Variants in SIPA1L1 observed in about 807,000 individuals in gnomAD.
The protein encoded by SIPA1L1 is signal induced proliferation associated 1 like 1.
In SIPA1L1, 26 loss-of-function variants were observed where a neutral mutation model predicts 162.7. The ratio of observed to expected loss-of-function variants is 0.16; its 90% CI spans 0.12 to 0.22. The LOEUF is 0.22. Among genes scored for constraint, SIPA1L1 ranks in the 10% least tolerant of loss-of-function variants. The pLI, the probability that SIPA1L1 is intolerant of heterozygous loss-of-function variation, is 1.00. For synonymous variants in SIPA1L1, 829 were observed against 837.4 expected (o/e 0.99, Z 0.17); for missense variants, 1,874 against 2,241.0 (o/e 0.84, Z 3.31).
At chr14:71,462,532 T>C (rs1343702827) in intron 2 of SIPA1L1, among the ~76,000 whole-genome samples, 1 of 152,212 alleles carries the variant, frequency 6.6e-6, no homozygotes, top group Non-Finnish European at 1.5e-5. Context: ...TGTGCCTCTT[T>C]CTTGGTTGTA....
intron 3 of SIPA1L1, among the ~76,000 whole-genome samples, chr14:71,525,555 A>C (rs761871525): frequency 1.4e-4 from 21 of 152,198 alleles, no homozygotes; most frequent in Non-Finnish European, 2.5e-4. Flanking sequence ...CTAATGACAT[A>C]AGCCCATACA....
chr14:71,584,847 A>G (rs1362003024), intron 4 of SIPA1L1, among the ~76,000 whole-genome samples: 1 of 152,118 alleles, frequency 6.6e-6, no homozygotes, highest in African/African-American at 2.4e-5. Context: ...GTGAATTCGT[A>G]TTGCTCTTCT....
chr14:71,464,539 G>C (rs1269050018), intron 2 of SIPA1L1, among the ~76,000 whole-genome samples: 1 of 152,048 alleles, frequency 6.6e-6, no homozygotes, highest in Non-Finnish European at 1.5e-5. Flanking sequence ...TACTTAGGAG[G>C]CTAAGGCAGG....
intron 5 of SIPA1L1, among the ~76,000 whole-genome samples, chr14:71,603,661 G>A (rs981396072): frequency 6.6e-6 from 1 of 151,878 alleles, no homozygotes; most frequent in South Asian, 2.1e-4. Context: ...AGTGGCCCAC[G>A]CCTGTAATCC....
intron 2 of SIPA1L1, among the ~76,000 whole-genome samples, chr14:71,486,803 A>G (rs2048796463): frequency 1.3e-5 from 2 of 152,214 alleles, no homozygotes; most frequent in Admixed American, 1.3e-4. Context: ...CCAATAAGTA[A>G]TCTTTTAAAT....
chr14:71,548,932 A>T (rs2055517643), intron 4 of SIPA1L1, among the ~76,000 whole-genome samples: 1 of 151,308 alleles, frequency 6.6e-6, no homozygotes, highest in Non-Finnish European at 1.5e-5. Context: ...ATGCTTATAT[A>T]GTGAGATATA....
chr14:71,614,364 A>G (rs1318427787), intron 5 of SIPA1L1, among the ~76,000 whole-genome samples: 1 of 152,166 alleles, frequency 6.6e-6, no homozygotes, highest in Non-Finnish European at 1.5e-5. Context: ...AGTTTTTTCT[A>G]TACTTCTGTA....
chr14:71,649,559 T>G (rs1339221862), intron 7 of SIPA1L1, among the ~76,000 whole-genome samples: 1 of 152,228 alleles, frequency 6.6e-6, no homozygotes, highest in African/African-American at 2.4e-5. Flanking sequence ...TAAAATTTCT[T>G]TGCAAAATGA....
At chr14:71,439,050 T>G (rs2044631104) in intron 2 of SIPA1L1, among the ~76,000 whole-genome samples, 1 of 152,162 alleles carries the variant, frequency 6.6e-6, no homozygotes, top group African/African-American at 2.4e-5. Context: ...AGAGAGCCTT[T>G]CCAAGAGCTC....
At chr14:71,383,005 T>G (rs2040030444) in intron 2 of SIPA1L1, among the ~76,000 whole-genome samples, 1 of 152,168 alleles carries the variant, frequency 6.6e-6, no homozygotes, top group Admixed American at 6.5e-5. Context: ...AGGTAGTATT[T>G]AAGCAGTGTC....
At chr14:71,613,038 T>A (rs1261259274) in intron 5 of SIPA1L1, among the ~76,000 whole-genome samples, 2 of 152,156 alleles carry the variant, frequency 1.3e-5, no homozygotes, top group Non-Finnish European at 2.9e-5. Context: ...GTCAACCGTA[T>A]ATGGATATAA....
chr14:71,603,207 C>T (rs1172865420), intron 5 of SIPA1L1, among the ~76,000 whole-genome samples: 3 of 151,794 alleles, frequency 2.0e-5, no homozygotes, highest in Non-Finnish European at 4.4e-5. Context: ...CTTTTTTATC[C>T]TATTACTGTA....
chr14:71,372,999 A>G (rs116960931), intron 2 of SIPA1L1, among the ~76,000 whole-genome samples: 211 of 152,264 alleles, frequency 1.4e-3, no homozygotes, highest in Non-Finnish European at 2.5e-3. Context: ...ACAAACATCT[A>G]AAGGAATGGG....
Position 71,658,216 on chromosome 14 carries a change from A to G in SIPA1L1, c.1994-117A>G, listed in dbSNP as rs528170177. 3.6e-5 allele frequency: 23 copies of G among 637,800 alleles called. 1 individual carries two copies. The South Asian group carries it at 4.7e-4, about 13-fold the overall frequency. 39.5% of individuals were successfully genotyped at this position (637,800 alleles called of 1,614,324 possible). ...AAGGAAGAACACCTGTCTTGTCTAG[A>G]ATCTTTTCATCCTAAATCATTTTCT... On this transcript the variant is annotated intron_variant, in intron 8 of 23. Coordinates refer to ENST00000381232, the MANE Select transcript of SIPA1L1 (RefSeq NM_001386936.1).
chr14:71,649,975 A>AG (rs1307804587), intron 7 of SIPA1L1, among the ~76,000 whole-genome samples: 1 of 152,198 alleles, frequency 6.6e-6, no homozygotes, highest in African/African-American at 2.4e-5. Context: ...CCCTTTTAAA[A>AG]GGGGGGACAC....
chr14:71,408,617 C>G (rs544212375), intron 2 of SIPA1L1, among the ~76,000 whole-genome samples: 2 of 152,290 alleles, frequency 1.3e-5, no homozygotes, highest in South Asian at 4.1e-4. Context: ...TGTGCCTCCA[C>G]CCCCTTTCCC....
At chr14:71,414,703 A>G (rs536462212) in intron 2 of SIPA1L1, among the ~76,000 whole-genome samples, 13 of 152,318 alleles carry the variant, frequency 8.5e-5, no homozygotes, top group Admixed American at 2.0e-4. Flanking sequence ...ACTTCAACCC[A>G]TGTTCTAAGA....
chr14:71,713,862 T>C (rs1447326315), intron 17 of SIPA1L1, among the ~76,000 whole-genome samples: 1 of 152,184 alleles, frequency 6.6e-6, no homozygotes, highest in African/African-American at 2.4e-5. Context: ...CTTCTCTAAA[T>C]CTTTTCTGCC....
intron 2 of SIPA1L1, among the ~76,000 whole-genome samples, chr14:71,493,037 GA>G (rs2049417187): frequency 6.6e-6 from 1 of 151,950 alleles, no homozygotes; most frequent in Admixed American, 6.6e-5. Context: ...AATTTATATC[GA>G]AAGAATATAT....
Sources: gnomAD v4.1 joint callset for allele counts (sites outside exome capture counted in the v4.1 genomes callset) on GRCh38, gnomAD v4.1.1 for gene constraint, MANE v1.5 for transcripts, NCBI Gene and HGNC (gene_info 2026-07-23, HGNC 2026-07-21) for gene names.